The following ARHGAP39 variants were observed in gnomAD, a reference collection of about 807,000 sequenced individuals.
ARHGAP39 encodes Rho GTPase activating protein 39, also known as rho GTPase-activating protein 39.
A neutral mutation model predicts 106.9 loss-of-function variants in ARHGAP39; 44 were observed. That is an observed-to-expected ratio of 0.41 (90% CI 0.32 to 0.53). The LOEUF is 0.53. ARHGAP39 is among the 20% of genes least tolerant of loss of function. The pLI is 0.21. For synonymous variants in ARHGAP39, 768 were observed against 693.2 expected (o/e 1.11, Z -1.69); for missense variants, 1,496 against 1,577.3 (o/e 0.95, Z 0.87).
intron 4 of ARHGAP39, among the ~76,000 whole-genome samples, chr8:144,550,175 G>C (rs1817639462): frequency 6.6e-6 from 1 of 152,178 alleles, no homozygotes; most frequent in African/African-American, 2.4e-5. Flanking sequence ...TCAGGAAGCT[G>C]GGGTGGGAGG....
At chr8:144,579,512 G>A (rs1001900026) in intron 3 of ARHGAP39, among the ~76,000 whole-genome samples, 3 of 152,054 alleles carry the variant, frequency 2.0e-5, no homozygotes, top group African/African-American at 4.8e-5. Context: ...CCGTCTTCCC[G>A]GTGTGCTCCA....
At chr8:144,550,839 T>A (rs1247887017) in intron 4 of ARHGAP39, among the ~76,000 whole-genome samples, 1 of 152,212 alleles carries the variant, frequency 6.6e-6, no homozygotes, top group African/African-American at 2.4e-5. Context: ...CTCCATGGCC[T>A]GGGGACACTG....
At chr8:144,607,789 G>A (rs1482280346) in intron 1 of ARHGAP39, among the ~76,000 whole-genome samples, 2 of 152,122 alleles carry the variant, frequency 1.3e-5, no homozygotes, top group Middle Eastern at 3.2e-3. Context: ...TAGAGGAAAC[G>A]CGCTTTCCGC....
At chr8:144,534,267 G>A (rs910343124) in intron 7 of ARHGAP39, 65 bp from the exon 8 acceptor site, 6 of 1,576,160 alleles carry the variant, frequency 3.8e-6, no homozygotes, top group Non-Finnish European at 5.2e-6. Context: ...GGAGAGGGGT[G>A]AGCAGACACA....
chr8:144,564,366 C>G (rs1818314765), intron 3 of ARHGAP39, among the ~76,000 whole-genome samples: 1 of 152,214 alleles, frequency 6.6e-6, no homozygotes, highest in African/African-American at 2.4e-5. Context: ...GCTTCCCCTG[C>G]TGGGATGGCT....
chr8:144,540,519 G>A (rs1817146223), intron 6 of ARHGAP39, among the ~76,000 whole-genome samples: 1 of 152,294 alleles, frequency 6.6e-6, no homozygotes, highest in African/African-American at 2.4e-5. Context: ...AGAAATATGA[G>A]GCCAGGCTTG....
At chr8:144,542,810 G>A (rs572163286) in intron 6 of ARHGAP39, among the ~76,000 whole-genome samples, 13 of 152,006 alleles carry the variant, frequency 8.6e-5, no homozygotes, top group South Asian at 4.2e-4. Flanking sequence ...ATGGTGGCGC[G>A]CACCTGTGGT....
At chr8:144,668,146 A>G (rs1401308297) in intron 1 of ARHGAP39, among the ~76,000 whole-genome samples, 3 of 152,200 alleles carry the variant, frequency 2.0e-5, no homozygotes, top group Middle Eastern at 3.4e-3. Flanking sequence ...ATTTTTTCAG[A>G]AAGGAAATTT....
Position 144,580,985 on chromosome 8 carries a change from C to A in ARHGAP39, c.373G>T (p.Gly125Trp), listed in dbSNP as rs1156418986. The change falls in exon 3 of 12, where the codon GGG (glycine) becomes TGG (tryptophan). Residue 125 changes from glycine to tryptophan, a missense_variant. Coordinates refer to ENST00000377307, the MANE Select transcript of ARHGAP39 (RefSeq NM_025251.3). ...SPRASAESSP[G>W]RGSSVSREGS... ...TCACGGCTGACGCTGCTGCCGCGCC[C>A]GGGGCTGCTCTCCGCCGAGGCGCGC... 6.3e-7 allele frequency: 1 copy of A among 1,597,730 alleles called. No homozygotes were observed. Among genetic ancestry groups the A allele is most frequent in the Non-Finnish European group, 8.5e-7 (1 of 1,173,170 alleles).
In ARHGAP39 at chr8:144,617,080, G is replaced by T. The variant is rs143069308; in HGVS notation, c.-81-11385C>A. ...AATTAACTGGGAATGATGGCACATG[G>T]CCTGTAGTCCCAGCTACTCGGGAGG... On this transcript the variant is annotated intron_variant, in intron 1 of 11. Transcript: ENST00000377307. Among the ~76,000 whole-genome samples, 199 of 152,132 alleles carry T rather than the reference G, an allele frequency of 1.3e-3. 1 individual carries two copies. Among genetic ancestry groups the T allele is most frequent in the African/African-American group, 3.4e-3 (140 of 41,490 alleles).
intron 3 of ARHGAP39, among the ~76,000 whole-genome samples, chr8:144,562,785 C>CACTCCAGTGGTTTCCATCGG (rs1167294322): frequency 7.0e-6 from 1 of 141,982 alleles, no homozygotes; most frequent in Non-Finnish European, 1.5e-5. Context: ...CCATCGGACT[C>CACTCCAGTGGTTTCCATCGG]ACTCCAGTGG....
intron 6 of ARHGAP39, chr8:144,543,925 C>T (rs1817297921): frequency 6.6e-6 from 1 of 152,212 alleles, no homozygotes; most frequent in Non-Finnish European, 1.5e-5. Context: ...GCAGTGGGGG[C>T]TCAGCTCCAT....
chr8:144,550,762 G>A (rs1400775475), intron 4 of ARHGAP39, among the ~76,000 whole-genome samples: 1 of 152,246 alleles, frequency 6.6e-6, no homozygotes, highest in Admixed American at 6.5e-5. Context: ...TAGCCAGGCA[G>A]AGTGGATGGT....
chr8:144,683,360 T>TAA (rs1180976580), intron 1 of ARHGAP39: 1 of 148,374 alleles, frequency 6.7e-6, no homozygotes, highest in Non-Finnish European at 1.5e-5. Flanking sequence ...TTCTTTTTTT[T>TAA]TTTTTGAGAC....
chr8:144,643,914 T>C (rs1050893329), intron 1 of ARHGAP39, among the ~76,000 whole-genome samples: 4 of 152,260 alleles, frequency 2.6e-5, no homozygotes, highest in Middle Eastern at 3.4e-3. Flanking sequence ...AGAAAGGCAA[T>C]GTTTTAAAAG....
chr8:144,665,034 A>C (rs1438176390), intron 1 of ARHGAP39, among the ~76,000 whole-genome samples: 1 of 152,230 alleles, frequency 6.6e-6, no homozygotes, highest in East Asian at 1.9e-4. Context: ...CGGTTGACAA[A>C]AATGCCGATA....
At chr8:144,655,888 T>C (rs1821680861) in intron 1 of ARHGAP39, among the ~76,000 whole-genome samples, 1 of 152,060 alleles carries the variant, frequency 6.6e-6, no homozygotes, top group South Asian at 2.1e-4. Flanking sequence ...TCTTATCCAA[T>C]TGCTACAAAC....
At chr8:144,620,138 T>C (rs1820760071) in intron 1 of ARHGAP39, among the ~76,000 whole-genome samples, 1 of 148,384 alleles carries the variant, frequency 6.7e-6, no homozygotes, top group African/African-American at 2.5e-5. Flanking sequence ...TGTGAGCCTG[T>C]GTGTCCCTGA....
intron 3 of ARHGAP39, among the ~76,000 whole-genome samples, chr8:144,569,479 T>C (rs1251111740): frequency 6.6e-6 from 1 of 152,236 alleles, no homozygotes; most frequent in Admixed American, 6.5e-5. Context: ...CGGATACATG[T>C]AACAACATGT....
Sources: gnomAD v4.1 joint callset for allele counts (sites outside exome capture counted in the v4.1 genomes callset) on GRCh38, gnomAD v4.1.1 for gene constraint, MANE v1.5 for transcripts, NCBI Gene and HGNC (gene_info 2026-07-23, HGNC 2026-07-21) for gene names.